Variants in KYNU observed in about 807,000 individuals in gnomAD.
The protein encoded by KYNU is kynureninase.
A neutral mutation model predicts 59.2 loss-of-function variants in KYNU; 54 were observed. That is an observed-to-expected ratio of 0.91 (90% CI 0.73 to 1.14). KYNU has a LOEUF of 1.14. Among genes scored for constraint, KYNU ranks in the 50% most tolerant of loss-of-function variants. KYNU has a pLI of 0.00. For synonymous variants in KYNU, 177 were observed against 192.0 expected, an observed-to-expected ratio of 0.92 and a Z score of 0.65; for missense variants, 567 against 554.4, an observed-to-expected ratio of 1.02 and a Z score of -0.23.
intron 3 of KYNU, among the ~76,000 whole-genome samples, chr2:142,926,140 G>T (rs1175074611): frequency 6.6e-6 from 1 of 152,088 alleles, no homozygotes; most frequent in Non-Finnish European, 1.5e-5. Flanking sequence ...GGGGTGAGGG[G>T]CTAAGGGAGG....
chr2:142,985,211 C>A, intron 9 of KYNU, 29 bp downstream of exon 9: 2 of 1,306,098 alleles, frequency 1.5e-6, no homozygotes, highest in South Asian at 1.2e-5. Flanking sequence ...ATTTACATCC[C>A]TTTATTTCAC....
chr2:143,033,130 G>A, intron 11 of KYNU, 106 bp from the exon 12 acceptor site: 1 of 821,638 alleles, frequency 1.2e-6, no homozygotes, highest in Middle Eastern at 2.8e-4. Flanking sequence ...ATCCTACTTA[G>A]GAAGAAAAGT....
intron 2 of KYNU, among the ~76,000 whole-genome samples, chr2:142,912,778 C>T (rs1194050857): frequency 1.4e-5 from 2 of 139,000 alleles, no homozygotes; most frequent in Admixed American, 7.8e-5. Context: ...GGCACGATCT[C>T]GGCTCATTGC....
At chr2:142,996,357 A>G (rs543250885) in intron 10 of KYNU, among the ~76,000 whole-genome samples, 1 of 152,168 alleles carries the variant, frequency 6.6e-6, no homozygotes, top group African/African-American at 2.4e-5. Context: ...ACCGAACATT[A>G]TGAAAGAATT....
intron 8 of KYNU, among the ~76,000 whole-genome samples, chr2:142,974,932 T>G (rs903718207): frequency 6.6e-6 from 1 of 152,134 alleles, no homozygotes; most frequent in African/African-American, 2.4e-5. Context: ...GTAGCAATAG[T>G]TATAAGCTAC....
chr2:142,883,512 G>A (rs1573745072), intron 1 of KYNU, among the ~76,000 whole-genome samples: 1 of 151,854 alleles, frequency 6.6e-6, no homozygotes, highest in Non-Finnish European at 1.5e-5. Flanking sequence ...ATTTCTTTAT[G>A]ACTACCTTCT....
intron 10 of KYNU, among the ~76,000 whole-genome samples, chr2:143,027,432 A>T (rs1686607454): frequency 6.6e-6 from 1 of 152,182 alleles, no homozygotes; most frequent in Non-Finnish European, 1.5e-5. Context: ...TTATAGTGTG[A>T]AACATTAGTG....
chr2:143,006,064 G>C (rs542989736), intron 10 of KYNU, among the ~76,000 whole-genome samples: 7 of 152,142 alleles, frequency 4.6e-5, no homozygotes, highest in Admixed American at 3.9e-4. Flanking sequence ...CAAGATGGCC[G>C]AATAGGAACA....
intron 2 of KYNU, among the ~76,000 whole-genome samples, chr2:142,911,748 A>G (rs1173869530): frequency 1.3e-5 from 2 of 152,058 alleles, no homozygotes; most frequent in Non-Finnish European, 2.9e-5. Flanking sequence ...GAGGGTTTTT[A>G]TCATGAAGGG....
At chr2:142,937,522 C>G (rs934615628) in intron 4 of KYNU, among the ~76,000 whole-genome samples, 1 of 152,034 alleles carries the variant, frequency 6.6e-6, no homozygotes. Flanking sequence ...CTAAATTTAA[C>G]GGAGTTTAAT....
At chr2:142,980,208 C>T (rs1685011986) in intron 8 of KYNU, among the ~76,000 whole-genome samples, 1 of 144,218 alleles carries the variant, frequency 6.9e-6, no homozygotes, top group African/African-American at 2.9e-5. Flanking sequence ...TTATAATTAG[C>T]TTATAATGCT....
intron 2 of KYNU, among the ~76,000 whole-genome samples, chr2:142,889,137 T>A (rs1452223555): frequency 6.6e-6 from 1 of 151,980 alleles, no homozygotes; most frequent in Admixed American, 6.6e-5. Context: ...AACACATTTT[T>A]CATAACCATC....
intron 10 of KYNU, among the ~76,000 whole-genome samples, chr2:143,025,897 T>C (rs1686539080): frequency 6.6e-6 from 1 of 152,226 alleles, no homozygotes; most frequent in Admixed American, 6.5e-5. Context: ...TATGATATTT[T>C]TAAGTGATGG....
intron 2 of KYNU, among the ~76,000 whole-genome samples, chr2:142,897,942 T>G (rs1477367802): frequency 6.6e-6 from 1 of 152,144 alleles, no homozygotes; most frequent in Non-Finnish European, 1.5e-5. Flanking sequence ...CCCTTTGTCA[T>G]CTAGGCTGGA....
At chr2:142,990,376 A>AC (rs1441569645) in intron 10 of KYNU, among the ~76,000 whole-genome samples, 3 of 151,878 alleles carry the variant, frequency 2.0e-5, no homozygotes, top group African/African-American at 7.2e-5. Flanking sequence ...ACAAATGTTA[A>AC]CCCTCATGGC....
intron 4 of KYNU, among the ~76,000 whole-genome samples, chr2:142,948,729 T>A (rs1288171069): frequency 6.6e-6 from 1 of 152,150 alleles, no homozygotes; most frequent in Non-Finnish European, 1.5e-5. Context: ...CAAGATGAGA[T>A]TCGGGTGGGG....
At chr2:142,984,776 G>A (rs985486407) in intron 8 of KYNU, among the ~76,000 whole-genome samples, 4 of 151,980 alleles carry the variant, frequency 2.6e-5, no homozygotes, top group African/African-American at 4.8e-5. Flanking sequence ...AGTACAGTTC[G>A]GTACCGCTGC....
At chr2:142,898,227 C>A (rs1191399948) in intron 2 of KYNU, among the ~76,000 whole-genome samples, 1 of 152,112 alleles carries the variant, frequency 6.6e-6, no homozygotes, top group Non-Finnish European at 1.5e-5. Context: ...TAGAAGTTAA[C>A]TTCCACAGAG....
chr2:142,953,011 G>A (rs1040728325), intron 4 of KYNU, among the ~76,000 whole-genome samples: 2 of 152,000 alleles, frequency 1.3e-5, no homozygotes, highest in African/African-American at 4.8e-5. Flanking sequence ...GATAGTGTTT[G>A]TTTTAGAAAT....
Sources: gnomAD v4.1 joint callset for allele counts (sites outside exome capture counted in the v4.1 genomes callset) on GRCh38, gnomAD v4.1.1 for gene constraint, MANE v1.5 for transcripts, NCBI Gene and HGNC (gene_info 2026-07-23, HGNC 2026-07-21) for gene names.